KCNH1: variants seen among roughly 807,000 people sequenced by gnomAD.
The protein encoded by KCNH1 is potassium voltage-gated channel subfamily H member 1, also known as voltage-gated delayed rectifier potassium channel KCNH1.
Under a neutral mutation model 69.2 loss-of-function variants are expected in KCNH1, and 27 were observed. The ratio of observed to expected loss-of-function variants is 0.39; its 90% CI spans 0.29 to 0.54. The LOEUF (loss-of-function observed/expected upper bound fraction) is 0.54. Ranked by LOEUF, KCNH1 falls within the 20% of genes least tolerant of loss-of-function variation. The pLI is 0.68. For missense variants in KCNH1, 798 were observed against 1,261.6 expected (o/e 0.63, Z 5.57); for synonymous variants, 456 against 487.7 (o/e 0.93, Z 0.86).
intron 6 of KCNH1, among the ~76,000 whole-genome samples, chr1:210,950,627 T>A (rs11582440): frequency 0.35 from 52,394 of 151,458 alleles, 9,416 homozygotes; most frequent in Non-Finnish European, 0.38. Flanking sequence ...ATTGTTGGAC[T>A]TTTGGGTTGG....
At chr1:211,087,843 C>T (rs1481648769) in intron 4 of KCNH1, among the ~76,000 whole-genome samples, 1 of 152,116 alleles carries the variant, frequency 6.6e-6, no homozygotes, top group Non-Finnish European at 1.5e-5. Context: ...ACTGGTACAC[C>T]AAATGACAGA....
At chr1:210,770,928 G>A (rs1057158454) in intron 10 of KCNH1, among the ~76,000 whole-genome samples, 12 of 152,154 alleles carry the variant, frequency 7.9e-5, no homozygotes, top group Middle Eastern at 3.2e-3. Flanking sequence ...CTTATTAACC[G>A]GGCAACCTTG....
chr1:210,857,242 T>C (rs893021227), intron 7 of KCNH1, among the ~76,000 whole-genome samples: 2 of 152,122 alleles, frequency 1.3e-5, no homozygotes, highest in African/African-American at 4.8e-5. Flanking sequence ...TTACCCTTGT[T>C]AAGGGAATTT....
chr1:211,120,010 A>G (rs532483253), intron 1 of KCNH1, among the ~76,000 whole-genome samples: 1 of 152,324 alleles, frequency 6.6e-6, no homozygotes, highest in South Asian at 2.1e-4. Context: ...CACAAGAAGT[A>G]TGGAAGAGAA....
intron 10 of KCNH1, among the ~76,000 whole-genome samples, chr1:210,750,890 A>G (rs1574233135): frequency 6.6e-6 from 1 of 152,064 alleles, no homozygotes; most frequent in Non-Finnish European, 1.5e-5. Context: ...TCATTTTACA[A>G]TGAACACAAT....
At chr1:210,960,025 A>G (rs1688263519) in intron 6 of KCNH1, among the ~76,000 whole-genome samples, 1 of 152,164 alleles carries the variant, frequency 6.6e-6, no homozygotes. Flanking sequence ...AGCTGTTCCT[A>G]TTTGGCCATC....
At chr1:210,898,802 A>G (rs1686929282) in intron 7 of KCNH1, among the ~76,000 whole-genome samples, 1 of 152,160 alleles carries the variant, frequency 6.6e-6, no homozygotes, top group Non-Finnish European at 1.5e-5. Context: ...TGCCACACCC[A>G]AGAGAAGCCT....
chr1:210,886,833 G>C (rs996002633), intron 7 of KCNH1, among the ~76,000 whole-genome samples: 4 of 152,188 alleles, frequency 2.6e-5, no homozygotes, highest in Middle Eastern at 3.4e-3. Context: ...AAAGTGTGAA[G>C]CCAAAATTCG....
intron 10 of KCNH1, among the ~76,000 whole-genome samples, chr1:210,744,019 C>T (rs1197967641): frequency 6.6e-6 from 1 of 152,148 alleles, no homozygotes; most frequent in Non-Finnish European, 1.5e-5. Context: ...AGAAGGCTTT[C>T]CTAGACCACT....
At chr1:210,928,051 A>G (rs1574343572) in intron 6 of KCNH1, among the ~76,000 whole-genome samples, 1 of 152,326 alleles carries the variant, frequency 6.6e-6, no homozygotes, top group East Asian at 1.9e-4. Flanking sequence ...TGGATCTCCC[A>G]AATTTATAAA....
rs146128146 is a variant in KCNH1 at position 210,926,655 on chromosome 1, C to A, written c.1033-6586G>T. Among the ~76,000 whole-genome samples, 31 of 152,156 alleles carry A rather than the reference C, an allele frequency of 2.0e-4. No homozygotes were observed. The East Asian group carries it at 6.0e-3, about 29-fold the overall frequency. On this transcript the variant is annotated intron_variant, in intron 6 of 10. Transcript: ENST00000271751. ...AATTCTGGTAATATGACAAAACAAG[C>A]TTCTTTAACCCCCGCAAAAGATCAT...
At chr1:210,800,533 G>A (rs567994466) in intron 8 of KCNH1, among the ~76,000 whole-genome samples, 1 of 152,346 alleles carries the variant, frequency 6.6e-6, no homozygotes, top group South Asian at 2.1e-4. Flanking sequence ...CCAATGGAGA[G>A]TACAGTGTGA....
chr1:211,051,989 G>T (rs1690215747), intron 5 of KCNH1, among the ~76,000 whole-genome samples: 2 of 151,878 alleles, frequency 1.3e-5, no homozygotes, highest in South Asian at 4.2e-4. Context: ...AAAAAATGCA[G>T]AAAATCCCTA....
chr1:210,759,953 C>G (rs1451688592), intron 10 of KCNH1, among the ~76,000 whole-genome samples: 2 of 152,174 alleles, frequency 1.3e-5, no homozygotes, highest in Non-Finnish European at 2.9e-5. Flanking sequence ...GCAAGCACTG[C>G]CACCTGAGCT....
intron 6 of KCNH1, among the ~76,000 whole-genome samples, chr1:210,928,029 T>G (rs558432355): frequency 2.6e-5 from 4 of 152,244 alleles, no homozygotes; most frequent in Admixed American, 6.5e-5. Context: ...TAAATATATA[T>G]GCACCTAAAA....
intron 8 of KCNH1, among the ~76,000 whole-genome samples, chr1:210,803,354 G>A (rs1175489434): frequency 1.3e-5 from 2 of 152,068 alleles, no homozygotes; most frequent in Non-Finnish European, 2.9e-5. Flanking sequence ...CACCCGCCTC[G>A]GCCTCCCAAA....
intron 10 of KCNH1, 124 bp from the exon 11 acceptor site, chr1:210,684,262 G>A: frequency 8.6e-6 from 9 of 1,049,982 alleles, no homozygotes; most frequent in Non-Finnish European, 1.2e-5. Flanking sequence ...AAGAGGCTGG[G>A]GCTCACAGCC....
intron 5 of KCNH1, among the ~76,000 whole-genome samples, chr1:211,075,721 G>A (rs972130449): frequency 5.9e-5 from 9 of 152,236 alleles, no homozygotes; most frequent in Non-Finnish European, 1.0e-4. Flanking sequence ...TCATTTCATT[G>A]GGACTAGTTG....
intron 7 of KCNH1, among the ~76,000 whole-genome samples, chr1:210,889,021 A>G (rs1279677406): frequency 3.3e-5 from 5 of 152,210 alleles, no homozygotes; most frequent in Non-Finnish European, 7.3e-5. Flanking sequence ...TCCAATTAAT[A>G]GAAAAACAGG....
Sources: allele counts gnomAD v4.1 joint callset (sites outside exome capture counted in the v4.1 genomes callset), GRCh38; gene constraint gnomAD v4.1.1; transcripts MANE v1.5; gene names NCBI Gene and HGNC (gene_info 2026-07-23, HGNC 2026-07-21).